STIM2: variants seen among roughly 807,000 people sequenced by gnomAD.
STIM2 encodes stromal interaction molecule 2.
A neutral mutation model predicts 85.8 loss-of-function variants in STIM2; 31 were observed. The ratio of observed to expected loss-of-function variants is 0.36; its 90% CI spans 0.27 to 0.49. The LOEUF (loss-of-function observed/expected upper bound fraction) is 0.49. STIM2 is among the 20% of genes least tolerant of loss of function. The pLI, the probability that STIM2 is intolerant of heterozygous loss-of-function variation, is 0.98. For synonymous variants in STIM2, 356 were observed against 331.1 expected (o/e 1.08, Z -0.82); for missense variants, 841 against 927.6 (o/e 0.91, Z 1.21).
chr4:26,878,229 C>T (rs1722883156), intron 1 of STIM2, among the ~76,000 whole-genome samples: 1 of 152,128 alleles, frequency 6.6e-6, no homozygotes, highest in African/African-American at 2.4e-5. Context: ...TACCCTCAGT[C>T]TTAGGTAGGG....
chr4:26,915,971 T>C (rs1724563842), intron 1 of STIM2, among the ~76,000 whole-genome samples: 1 of 152,154 alleles, frequency 6.6e-6, no homozygotes, highest in Admixed American at 6.5e-5. Context: ...CACTGGGGCA[T>C]TTTGGGTAGC....
chr4:26,957,549 T>G, intron 2 of STIM2, 63 bp from the exon 3 acceptor site: 1 of 977,318 alleles, frequency 1.0e-6, no homozygotes, highest in Non-Finnish European at 1.5e-6. Context: ...TTTCATCTTT[T>G]TCTCTAGTTG....
chr4:26,861,971 G>C (rs1039501717), intron 1 of STIM2, among the ~76,000 whole-genome samples: 1 of 152,168 alleles, frequency 6.6e-6, no homozygotes, highest in Non-Finnish European at 1.5e-5. Flanking sequence ...GTTTTAAGTG[G>C]TGATGGAAAG....
chr4:26,944,678 T>C (rs902300376), intron 2 of STIM2, among the ~76,000 whole-genome samples: 1 of 152,216 alleles, frequency 6.6e-6, no homozygotes, highest in Non-Finnish European at 1.5e-5. Flanking sequence ...TAATCTTTTC[T>C]AGTAACTTGT....
At chr4:26,946,517 G>A (rs1208622738) in intron 2 of STIM2, among the ~76,000 whole-genome samples, 1 of 152,136 alleles carries the variant, frequency 6.6e-6, no homozygotes, top group Non-Finnish European at 1.5e-5. Flanking sequence ...TGTGTGAGGG[G>A]CCTCACTATT....
At chr4:26,946,914 A>T (rs111441570) in intron 2 of STIM2, among the ~76,000 whole-genome samples, 5,630 of 152,252 alleles carry the variant, frequency 0.037, 143 homozygotes, top group South Asian at 0.078. Context: ...AGATATGGGG[A>T]CTAGCAAGCT....
At chr4:26,958,307 T>TA (rs1022697243) in intron 3 of STIM2, among the ~76,000 whole-genome samples, 3 of 152,102 alleles carry the variant, frequency 2.0e-5, no homozygotes, top group African/African-American at 7.2e-5. Context: ...TTACTAAAAT[T>TA]AAAAAAATTT....
chr4:26,895,381 C>T (rs867389676), intron 1 of STIM2, among the ~76,000 whole-genome samples: 5 of 152,146 alleles, frequency 3.3e-5, no homozygotes, highest in Non-Finnish European at 5.9e-5. Context: ...AAAACATAAA[C>T]GTTTTTATTT....
chr4:26,932,596 C>T (rs1378469374), intron 2 of STIM2, among the ~76,000 whole-genome samples: 2 of 152,056 alleles, frequency 1.3e-5, no homozygotes, highest in Non-Finnish European at 2.9e-5. Flanking sequence ...CTATAAATGT[C>T]TAAATAGTAC....
At chr4:27,013,437 G>C (rs906898914) in intron 10 of STIM2, among the ~76,000 whole-genome samples, 1 of 151,930 alleles carries the variant, frequency 6.6e-6, no homozygotes, top group Non-Finnish European at 1.5e-5. Context: ...ATGGTTTCAG[G>C]CATCCACTGG....
At chr4:26,984,548 A>G (rs535822217) in intron 3 of STIM2, among the ~76,000 whole-genome samples, 1 of 152,302 alleles carries the variant, frequency 6.6e-6, no homozygotes, top group African/African-American at 2.4e-5. Flanking sequence ...TATTTTTAGT[A>G]GAGATGGGGT....
chr4:26,968,784 G>C (rs1726825679), intron 3 of STIM2, among the ~76,000 whole-genome samples: 1 of 152,160 alleles, frequency 6.6e-6, no homozygotes, highest in South Asian at 2.1e-4. Flanking sequence ...AGAAAATGGA[G>C]AGAAATGTAA....
intron 3 of STIM2, among the ~76,000 whole-genome samples, chr4:26,992,846 C>T (rs1265193700): frequency 6.6e-6 from 1 of 152,066 alleles, no homozygotes; most frequent in African/African-American, 2.4e-5. Context: ...AAGTGAATCT[C>T]CCCCCAAAAT....
chr4:26,937,467 G>A (rs764460794), intron 2 of STIM2, among the ~76,000 whole-genome samples: 25 of 152,098 alleles, frequency 1.6e-4, no homozygotes, highest in Non-Finnish European at 3.4e-4. Context: ...TTTTTTGCGA[G>A]TTTAGGACAC....
intron 10 of STIM2, among the ~76,000 whole-genome samples, chr4:27,017,065 A>T (rs896248867): frequency 2.0e-5 from 3 of 152,192 alleles, no homozygotes; most frequent in African/African-American, 7.2e-5. Flanking sequence ...AGAGTAAGAA[A>T]TGGAATGCCC....
chr4:26,906,829 T>C (rs1156712481), intron 1 of STIM2, among the ~76,000 whole-genome samples: 1 of 152,094 alleles, frequency 6.6e-6, no homozygotes, highest in Non-Finnish European at 1.5e-5. Context: ...TAGATAGGCA[T>C]GGTGGTGGGC....
chr4:26,890,197 A>G (rs1042384701), intron 1 of STIM2, among the ~76,000 whole-genome samples: 1 of 152,118 alleles, frequency 6.6e-6, no homozygotes, highest in Non-Finnish European at 1.5e-5. Context: ...AACTAGGCCC[A>G]CTTTTTTTTC....
chr4:26,974,899 C>G (rs1343327329), intron 3 of STIM2, among the ~76,000 whole-genome samples: 1 of 152,174 alleles, frequency 6.6e-6, no homozygotes, highest in East Asian at 1.9e-4. Context: ...TTGGTCTTTT[C>G]ACATAGTTCC....
At chr4:27,001,512 C>G (rs1728153959) in intron 5 of STIM2, among the ~76,000 whole-genome samples, 1 of 152,188 alleles carries the variant, frequency 6.6e-6, no homozygotes, top group Non-Finnish European at 1.5e-5. Context: ...GCACTAGTCA[C>G]TCTTTGGGCT....
Sources: allele counts gnomAD v4.1 joint callset (sites outside exome capture counted in the v4.1 genomes callset), GRCh38; gene constraint gnomAD v4.1.1; transcripts MANE v1.5; gene names NCBI Gene and HGNC (gene_info 2026-07-23, HGNC 2026-07-21).